The following TULP1 variants were observed in gnomAD, a reference collection of about 807,000 sequenced individuals.
TULP1 encodes the protein TUB like protein 1.
A neutral mutation model predicts 67.1 loss-of-function variants in TULP1; 50 were observed. The observed-to-expected ratio is 0.75, with a 90% CI of 0.59 to 0.94. The LOEUF (loss-of-function observed/expected upper bound fraction) is 0.94. Among genes scored for constraint, TULP1 ranks in the 40% least tolerant of loss-of-function variants. The pLI, the probability that TULP1 is intolerant of heterozygous loss-of-function variation, is 0.00. For synonymous variants in TULP1, 297 were observed against 294.0 expected, an observed-to-expected ratio of 1.01 and a Z score of -0.11; for missense variants, 746 against 734.1, an observed-to-expected ratio of 1.02 and a Z score of -0.19.
Position 35,509,930 on chromosome 6 carries a change from T to G in TULP1, c.500-2A>C. The G allele has an allele frequency of 6.2e-7, 1 of 1,613,660 alleles. No homozygotes were observed. The highest frequency in any genetic ancestry group is 8.5e-7 in the Non-Finnish European group (1 of 1,179,962). On this transcript the variant is annotated splice_acceptor_variant, in intron 5 of 14. Transcript: ENST00000229771. LOFTEE classifies it high-confidence loss of function. ...GGGGGTCAGGGCTTCCCAGGTCTCC[T>G]GGAAATGGAAGATGGGGGTCAGGCA...
At position 35,511,727 on chromosome 6, in the gene TULP1, C is replaced by A. The variant is rs775531277; in HGVS notation, c.270G>T (p.Arg90Ser). 2.5e-6 allele frequency: 4 copies of A among 1,592,006 alleles called. No homozygotes were observed. The highest frequency in any genetic ancestry group is 3.4e-6 in the Non-Finnish European group (4 of 1,169,590). Residue 90 changes from arginine to serine, a missense_variant, in exon 4 of 15, where the codon AGG becomes AGT. Physicochemically the swap from Arg to Ser is moderately radical, Grantham distance 110 (BLOSUM62 -1). Coordinates refer to ENST00000229771, the MANE Select transcript of TULP1 (RefSeq NM_003322.6). The stretch of plus-strand genomic sequence containing the variant: ...TCTTGGCCTCGGGGTCCCTGAGGAA[C>A]CTGGCGTAGACCGTCTGCGGCGCCC... The part of the protein sequence containing the change: ...QARAPQTVYA[R>S]FLRDPEAKKR...
chr6:35,512,160 G>T lies in TULP1; in HGVS notation c.190+20C>A. ...CAGCCCACACCCTGGGGGTCCACCC[G>T]GGCTCTGCACCCCGCCCACCTCCGG... On this transcript the variant is annotated intron_variant, in intron 3 of 14. Coordinates refer to ENST00000229771, the MANE Select transcript of TULP1 (RefSeq NM_003322.6). 7.6e-7 allele frequency: 1 copy of T among 1,317,180 alleles called. No individual in the cohort carries two copies. Among genetic ancestry groups the T allele is most frequent in the Non-Finnish European group, 9.7e-7 (1 of 1,029,370 alleles). The allele number at this position is 1,317,180 out of a possible 1,614,324, so 81.6% of individuals were successfully genotyped here. A position where few individuals can be genotyped will look rare whatever the true frequency, so the allele number is the denominator to read the frequency against.
At chr6:35,502,215 A>G (rs1760980763) in intron 13 of TULP1, among the ~76,000 whole-genome samples, 1 of 151,570 alleles carries the variant, frequency 6.6e-6, no homozygotes, top group South Asian at 2.1e-4. Flanking sequence ...TTATTTTGAG[A>G]TGGAGTCTAG....
rs1367382876 is a variant in TULP1 at position 35,506,106 on chromosome 6, G to T, written c.896C>A (p.Ala299Asp). 1 of 1,613,552 alleles carries T rather than the reference G, an allele frequency of 6.2e-7. No homozygotes were observed. Among genetic ancestry groups the T allele is most frequent in the Non-Finnish European group, 8.5e-7 (1 of 1,179,992 alleles). ...GCAGCGCACCGTGCGGCCCTGGGGG[G>T]CAGGCCGGAGCACAAACTCCCGGGG... ...DEPREFVLRP[A>D]PQGRTVRCRL... is the part of the protein sequence containing the mutation. Residue 299 changes from alanine to aspartate, a missense_variant, in exon 10 of 15, where the codon GCC becomes GAC. Ala to Asp is a moderately radical substitution (Grantham distance 126, BLOSUM62 -2). Transcript: ENST00000229771.
chr6:35,499,667 T>C (rs1768785823), intron 14 of TULP1, among the ~76,000 whole-genome samples: 1 of 150,056 alleles, frequency 6.7e-6, no homozygotes, highest in African/African-American at 2.5e-5. Flanking sequence ...CTGTCCGTGG[T>C]TTTCAGACTC....
intron 5 of TULP1, among the ~76,000 whole-genome samples, chr6:35,510,461 C>T (rs1475580158): frequency 6.6e-6 from 1 of 152,130 alleles, no homozygotes; most frequent in African/African-American, 2.4e-5. Flanking sequence ...GGCTGCTGGT[C>T]CCTAACAGGT....
In TULP1 at chr6:35,497,983, C is replaced by G. The variant is rs1768734104; in HGVS notation, c.*344G>C. The G allele has an allele frequency of 6.9e-6, 3 of 432,126 alleles. No individual in the cohort carries two copies. Among genetic ancestry groups the G allele is most frequent in the South Asian group, 2.5e-5 (1 of 40,154 alleles). The allele number at this position is 432,126 out of a possible 1,614,324, so 26.8% of individuals were successfully genotyped here. On this transcript the variant is annotated 3_prime_UTR_variant, in exon 15 of 15. Coordinates refer to ENST00000229771, the MANE Select transcript of TULP1 (RefSeq NM_003322.6). Reference sequence around the variant, plus strand: ...GCTCCTCGGAGCCCTAGCGCGGTCCCGGGGAGAGGGGAGGTTAAAACAACA... The same window carrying G: ...GCTCCTCGGAGCCCTAGCGCGGTCCGGGGGAGAGGGGAGGTTAAAACAACA...
chr6:35,506,055 A>C lies in TULP1; in HGVS notation c.947T>G (p.Met316Arg), dbSNP rs1296458507. 6.2e-7 allele frequency: 1 copy of C among 1,613,826 alleles called. No individual in the cohort carries two copies. Among genetic ancestry groups the C allele is most frequent in the South Asian group, 1.1e-5 (1 of 91,078 alleles). The change falls in exon 10 of 15, where the codon ATG (methionine) becomes AGG (arginine). Residue 316 changes from methionine to arginine, a missense_variant. Physicochemically the swap from Met to Arg is moderately conservative, Grantham distance 91 (BLOSUM62 -1). Around this residue, in one of 3 missense-constraint regions of TULP1, gnomAD observed 383 missense variants for 374.1 expected, o/e 1.02. Transcript: ENST00000229771. ...GTAGGAGGGATACATGCCTCGATCC[A>C]TGCCCTTTTTGTCCCGGGTCAGCCG... ...RCRLTRDKKG[M>R]DRGMYPSYFL...
At chr6:35,501,910 C>A (rs946647713) in intron 13 of TULP1, among the ~76,000 whole-genome samples, 6 of 152,174 alleles carry the variant, frequency 3.9e-5, no homozygotes, top group Admixed American at 1.3e-4. Context: ...GTTTTAAAGA[C>A]CCTGTCTACC....
Position 35,503,776 on chromosome 6 carries a change from AT to A in TULP1, c.1184del (p.Asn395MetfsTer12), listed in dbSNP as rs1387711133. The stretch of plus-strand genomic sequence containing the variant: ...CCAGCTCCTGCCGAAGGCTTGCCAC[AT>A]TAGTGCTGTACCCACGCTGTGGGTT... ...GQNPQRGYST[N>X]VASLRQELAA... On this transcript the variant is annotated frameshift_variant, in exon 12 of 15. Transcript: ENST00000229771. LOFTEE classifies it high-confidence loss of function. This position sits in a 1 kb window ranked among gnomAD's most constrained non-coding sequence, Gnocchi z 4.0. 1 of 1,613,748 alleles carries A rather than the reference AT, an allele frequency of 6.2e-7. No individual in the cohort carries two copies. The highest frequency in any genetic ancestry group is 8.5e-7 in the Non-Finnish European group (1 of 1,179,904).
At chr6:35,510,064 C>CTT in intron 5 of TULP1, 136 bp from the exon 6 acceptor site, 92 of 591,176 alleles carry the variant, frequency 1.6e-4, no homozygotes, top group Non-Finnish European at 2.0e-4. Context: ...CCTTCTTTTT[C>CTT]TTTTTTTTTT....
intron 11 of TULP1, among the ~76,000 whole-genome samples, chr6:35,505,236 C>T (rs1761056853): frequency 6.6e-6 from 1 of 152,202 alleles, no homozygotes; most frequent in African/African-American, 2.4e-5. Context: ...TGTGCCCAGC[C>T]TAAATACATA....
chr6:35,511,136 A>T lies in TULP1; in HGVS notation c.350-126T>A. 9 of 1,539,646 alleles carry T rather than the reference A, an allele frequency of 5.8e-6. No homozygotes were observed. In the Admixed American group the frequency reaches 6.0e-5, roughly 10 times the overall value. ...GAAGGGGAGCCTGCCCTTCTGAAAC[A>T]AGAACCGGAGACCTGGCACCTTCCC... is the stretch of plus-strand genomic sequence containing the variant. On this transcript the variant is annotated intron_variant, in intron 4 of 14. Coordinates refer to ENST00000229771, the MANE Select transcript of TULP1 (RefSeq NM_003322.6).
intron 6 of TULP1, 24 bp from the exon 7 acceptor site, chr6:35,509,774 T>C: frequency 6.2e-7 from 1 of 1,614,056 alleles, no homozygotes. Flanking sequence ...TGTGAAAGCG[T>C]CACAACCCCC....
In TULP1 at chr6:35,498,096, G is replaced by C. The variant is rs1768739653; in HGVS notation, c.*231C>G. ...AGGCGAGCTCCGAGACCAGATGTGCGGCTCCAACTCCAGATGTTCTTCATC... is the reference window on the plus strand; with the variant it reads ...AGGCGAGCTCCGAGACCAGATGTGCCGCTCCAACTCCAGATGTTCTTCATC... On this transcript the variant is annotated 3_prime_UTR_variant, in exon 15 of 15. Transcript: ENST00000229771. This position sits in a 1 kb window ranked among gnomAD's most constrained non-coding sequence, Gnocchi z 6.7. 6.0e-6 allele frequency: 4 copies of C among 663,020 alleles called. No homozygotes were observed. The highest frequency in any genetic ancestry group is 1.0e-5 in the Non-Finnish European group (4 of 397,554). The allele number at this position is 663,020 out of a possible 1,614,324, so 41.1% of individuals were successfully genotyped here.
Position 35,500,013 on chromosome 6 carries a change from A to T in TULP1, c.1463T>A (p.Val488Asp). The change falls in exon 14 of 15, where the codon GTC becomes GAC. Residue 488 changes from valine to aspartate, a missense_variant. Around this residue, in one of 3 missense-constraint regions of TULP1, gnomAD observed 383 missense variants for 374.1 expected, o/e 1.02. Transcript: ENST00000229771. ...NFQGRVTQAS[V>D]KNFQIVHADD... is the part of the protein sequence containing the mutation. ...AGCGTGGACAATCTGGAAGTTCTTG[A>T]CTGAGGCCTGGGTGACCCGGCCTTG... 1 of 1,614,096 alleles carries T rather than the reference A, an allele frequency of 6.2e-7. No homozygotes were observed. Among genetic ancestry groups the T allele is most frequent in the South Asian group, 1.1e-5 (1 of 91,084 alleles).
rs920513070 is a variant in TULP1, at chr6:35,511,027, T to C, written c.350-17A>G. 3.1e-6 allele frequency: 5 copies of C among 1,602,644 alleles called. No homozygotes were observed. Among genetic ancestry groups the C allele is most frequent in the Admixed American group, 1.7e-5 (1 of 60,020 alleles). The stretch of plus-strand genomic sequence containing the variant: ...CCTCCTCCTCTGCAGGTAGAAACTC[T>C]TCATAATGGGGGTTTGAGCCGGGCC... On this transcript the variant is annotated splice_polypyrimidine_tract_variant and intron_variant, in intron 4 of 14. Coordinates refer to ENST00000229771, the MANE Select transcript of TULP1 (RefSeq NM_003322.6).
At position 35,503,250 on chromosome 6, in the gene TULP1, TC is replaced by T. The variant is rs1319508628; in HGVS notation, c.1323+308del. 7 of 385,116 alleles carry T rather than the reference TC, an allele frequency of 1.8e-5. No homozygotes were observed. The highest frequency in any genetic ancestry group is 3.5e-5 in the Non-Finnish European group (7 of 201,582). The allele number at this position is 385,116 out of a possible 1,614,324, so 23.9% of individuals were successfully genotyped here. On this transcript the variant is annotated intron_variant, in intron 13 of 14. Coordinates refer to ENST00000229771, the MANE Select transcript of TULP1 (RefSeq NM_003322.6). The surrounding 1 kb of genome is among the most constrained non-coding windows in gnomAD (Gnocchi z 4.0). ...ACCGCGCCCGGCCCAGGGGTGCAGA[TC>T]TTTGTTTTGTCCACTGATGTCTTCC...
intron 13 of TULP1, among the ~76,000 whole-genome samples, chr6:35,501,815 AC>A (rs1760968842): frequency 6.6e-6 from 1 of 152,190 alleles, no homozygotes; most frequent in Admixed American, 6.5e-5. Context: ...CCGTCTCAAA[AC>A]AAAAACAAAA....
Sources: allele counts gnomAD v4.1 joint callset (sites outside exome capture counted in the v4.1 genomes callset), GRCh38; gene constraint gnomAD v4.1.1; regional missense constraint gnomAD v4.1.1; non-coding constraint Gnocchi (gnomAD v3.1); transcripts MANE v1.5; gene names NCBI Gene and HGNC (gene_info 2026-07-23, HGNC 2026-07-21).